Variants in ILDR2 observed in about 807,000 individuals in gnomAD.
The protein encoded by ILDR2 is immunoglobulin-like domain-containing receptor 2.
Under a neutral mutation model 66.8 loss-of-function variants are expected in ILDR2, and 25 were observed. The ratio of observed to expected loss-of-function variants is 0.37; its 90% CI spans 0.27 to 0.52. The LOEUF (loss-of-function observed/expected upper bound fraction) is 0.52. ILDR2 is among the 20% of genes least tolerant of loss of function. ILDR2 has a pLI of 0.88. For synonymous variants in ILDR2, 367 were observed against 357.2 expected, an observed-to-expected ratio of 1.03 and a Z score of -0.31; for missense variants, 827 against 876.8, an observed-to-expected ratio of 0.94 and a Z score of 0.72.
At chr1:166,955,169 TC>T (rs1303993853) in intron 3 of ILDR2, among the ~76,000 whole-genome samples, 3 of 152,234 alleles carry the variant, frequency 2.0e-5, no homozygotes, top group Non-Finnish European at 4.4e-5. Context: ...TTTTACTTTT[TC>T]ATTTCCTGCT....
intron 3 of ILDR2, among the ~76,000 whole-genome samples, chr1:166,949,096 C>T (rs1486109603): frequency 2.6e-5 from 4 of 152,236 alleles, no homozygotes; most frequent in African/African-American, 9.6e-5. Flanking sequence ...AGATCAGTTT[C>T]ACAGCCTCAG....
intron 3 of ILDR2, among the ~76,000 whole-genome samples, chr1:166,941,548 G>T (rs1199903626): frequency 6.6e-6 from 1 of 152,124 alleles, no homozygotes; most frequent in Non-Finnish European, 1.5e-5. Flanking sequence ...TCAAAGATTT[G>T]GGAATTTGGG....
intron 1 of ILDR2, among the ~76,000 whole-genome samples, chr1:166,958,333 G>T (rs1019184388): frequency 1.3e-5 from 2 of 152,130 alleles, no homozygotes; most frequent in Non-Finnish European, 2.9e-5. Context: ...TGGAAGAGTG[G>T]CCTGATGGGA....
chr1:166,927,279 A>G, intron 6 of ILDR2, 99 bp from the exon 7 acceptor site: 2 of 728,622 alleles, frequency 2.7e-6, no homozygotes, highest in African/African-American at 1.8e-5. Context: ...GTTTCCAATT[A>G]TAACAACTCT....
intron 1 of ILDR2, among the ~76,000 whole-genome samples, chr1:166,969,154 G>T (rs1663132591): frequency 1.3e-5 from 2 of 152,034 alleles, no homozygotes. Flanking sequence ...TCCTAAGCTG[G>T]CATCAAATCC....
chr1:166,939,580 G>A lies in ILDR2; in HGVS notation c.500-10C>T. 3.1e-6 allele frequency: 5 copies of A among 1,613,310 alleles called. No homozygotes were observed. Among genetic ancestry groups the A allele is most frequent in the Non-Finnish European group, 4.2e-6 (5 of 1,179,270 alleles). Reference sequence around the variant, plus strand: ...AGCAGCCCTGTCCTGCCTAGAAGAAGTGGAAGGAAAAGAAGAAGGAAAGTG... The same window carrying A: ...AGCAGCCCTGTCCTGCCTAGAAGAAATGGAAGGAAAAGAAGAAGGAAAGTG... On this transcript the variant is annotated splice_polypyrimidine_tract_variant and intron_variant, in intron 3 of 9. Coordinates refer to ENST00000271417, the MANE Select transcript of ILDR2 (RefSeq NM_199351.3).
At chr1:166,907,945 G>A (rs1385563932), downstream of ILDR2, 2 of 152,212 alleles carry the variant, frequency 1.3e-5, no homozygotes, top group East Asian at 3.8e-4. Flanking sequence ...TCCTTCACAT[G>A]AGAGAAGGAA....
intron 6 of ILDR2, among the ~76,000 whole-genome samples, chr1:166,931,727 C>T (rs1473977486): frequency 6.6e-6 from 1 of 152,112 alleles, no homozygotes. Context: ...ATCTAAAGGA[C>T]TTGGTGACCA....
rs1388973164 is a variant in ILDR2, at chr1:166,910,833, T to A, written c.*8522A>T. The A allele has an allele frequency of 6.6e-6, 1 of 152,268 alleles. No homozygotes were observed. The highest frequency in any genetic ancestry group is 1.5e-5 in the Non-Finnish European group (1 of 68,048). The allele number at this position is 152,268 out of a possible 1,614,324, so 9.4% of individuals were successfully genotyped here. On this transcript the variant is annotated 3_prime_UTR_variant, in exon 10 of 10. Transcript: ENST00000271417. ...TAAAAATTGGATTAGAATTAGATAA[T>A]CATAGGGAAAAATGAATTATTTGTT...
chr1:166,948,670 G>A (rs530485966), intron 3 of ILDR2, among the ~76,000 whole-genome samples: 2 of 152,198 alleles, frequency 1.3e-5, no homozygotes, highest in Non-Finnish European at 2.9e-5. Flanking sequence ...ATGTCATTGA[G>A]AAAATGTGAA....
chr1:166,950,946 TA>T (rs1557949049), intron 3 of ILDR2, among the ~76,000 whole-genome samples: 2 of 152,210 alleles, frequency 1.3e-5, no homozygotes, highest in Non-Finnish European at 2.9e-5. Flanking sequence ...GGAGCATACC[TA>T]TTTCTGGCCT....
chr1:166,962,599 T>C (rs1662684118), intron 1 of ILDR2, among the ~76,000 whole-genome samples: 2 of 152,244 alleles, frequency 1.3e-5, no homozygotes, highest in Admixed American at 1.3e-4. Flanking sequence ...ATTGCCAGTC[T>C]CCTGTGGACA....
At chr1:166,904,460 C>T (rs934273391), downstream of ILDR2, among the ~76,000 whole-genome samples, 19 of 152,324 alleles carry the variant, frequency 1.2e-4, no homozygotes, top group African/African-American at 4.1e-4. Flanking sequence ...TTGTTCATTG[C>T]ACCCCCTTTT....
Position 166,920,740 on chromosome 1 carries a change from C to A in ILDR2, c.1851G>T (p.Glu617Asp). Residue 617 changes from glutamate (E) to aspartate (D), a missense_variant, in exon 9 of 10, where the codon GAG (glutamate) becomes GAT (aspartate). Around this residue, in one of 2 missense-constraint regions of ILDR2, gnomAD observed 390 missense variants for 353.6 expected, o/e 1.10. Transcript: ENST00000271417. ...TGGCGGGCTCCTTTTTCCTCTTCTT[C>A]TCCGAGTTGCTGTGGTAGGGCAGGT... ...GRDLPYHSNS[E>D]KKRKKEPAKK... is the part of the protein sequence containing the mutation. 2.1e-6 allele frequency: 3 copies of A among 1,453,052 alleles called. No individual in the cohort carries two copies. Among genetic ancestry groups the A allele is most frequent in the East Asian group, 5.6e-5 (2 of 35,544 alleles). 90.0% of individuals were successfully genotyped at this position (1,453,052 alleles called of 1,614,324 possible). A position where few individuals can be genotyped will look rare whatever the true frequency, so the allele number is the denominator to read the frequency against.
Position 166,927,120 on chromosome 1 carries a change from T to C in ILDR2, c.941A>G (p.Tyr314Cys). The change falls in exon 7 of 10, where the codon TAT becomes TGT. Residue 314 changes from tyrosine (Y) to cysteine (C), a missense_variant. By Grantham distance (194) the Tyr-to-Cys change is radical. Around this residue, in one of 2 missense-constraint regions of ILDR2, gnomAD observed 437 missense variants for 523.2 expected, o/e 0.84. Transcript: ENST00000271417. Reference protein sequence around the residue: ...KERDSMKVLYYVEKELAQFDP... With the variant: ...KERDSMKVLYCVEKELAQFDP... ...AAACTGAGCCAGCTCCTTCTCAACATAGTACAGGACCTTCATGGAGTCTCT... is the reference window on the plus strand; with the variant it reads ...AAACTGAGCCAGCTCCTTCTCAACACAGTACAGGACCTTCATGGAGTCTCT... The C allele has an allele frequency of 6.2e-7, 1 of 1,613,622 alleles. No individual in the cohort carries two copies. Among genetic ancestry groups the C allele is most frequent in the Non-Finnish European group, 8.5e-7 (1 of 1,179,808 alleles).
chr1:166,974,644 C>CTA (rs1414164852), intron 1 of ILDR2, among the ~76,000 whole-genome samples: 2 of 152,192 alleles, frequency 1.3e-5, no homozygotes, highest in African/African-American at 4.8e-5. Flanking sequence ...GAGCCAGGCT[C>CTA]TAAACTCCAC....
Position 166,915,749 on chromosome 1 carries a change from T to C in ILDR2, c.*3606A>G, listed in dbSNP as rs1006283333. The C allele has an allele frequency of 7.2e-5, 11 of 152,212 alleles. No individual in the cohort carries two copies. The highest frequency in any genetic ancestry group is 2.7e-4 in the African/African-American group (11 of 41,448). The allele number at this position is 152,212 out of a possible 1,614,324, so 9.4% of individuals were successfully genotyped here. ...TACCTATGTGAAATTTTGTGGACTA[T>C]TCAGAAATATTTACAGATGTGGTCA... On this transcript the variant is annotated 3_prime_UTR_variant, in exon 10 of 10. Transcript: ENST00000271417.
At chr1:166,946,693 A>G (rs1302315064) in intron 3 of ILDR2, among the ~76,000 whole-genome samples, 2 of 152,220 alleles carry the variant, frequency 1.3e-5, no homozygotes, top group Admixed American at 1.3e-4. Flanking sequence ...GATCAAGCCA[A>G]GAATACAACC....
At chr1:166,953,242 G>A (rs1443769877) in intron 3 of ILDR2, among the ~76,000 whole-genome samples, 1 of 152,088 alleles carries the variant, frequency 6.6e-6, no homozygotes, top group South Asian at 2.1e-4. Flanking sequence ...GCTAATAATT[G>A]TTCTGACCCT....
Sources: gnomAD v4.1 joint callset for allele counts (sites outside exome capture counted in the v4.1 genomes callset) on GRCh38, gnomAD v4.1.1 for gene constraint, gnomAD v4.1.1 regional missense constraint, MANE v1.5 for transcripts, NCBI Gene and HGNC (gene_info 2026-07-23, HGNC 2026-07-21) for gene names.